The following ERO1B variants were observed in gnomAD, a reference collection of about 807,000 sequenced individuals.
The protein encoded by ERO1B is endoplasmic reticulum oxidoreductase 1 beta, also known as ERO1-like protein beta.
A neutral mutation model predicts 75.3 loss-of-function variants in ERO1B; 49 were observed. The ratio of observed to expected loss-of-function variants is 0.65; its 90% confidence interval spans 0.52 to 0.83. ERO1B has a LOEUF of 0.83. Ranked by LOEUF, ERO1B falls within the 40% of genes least tolerant of loss-of-function variation. ERO1B has a pLI of 0.00. For missense variants in ERO1B, 512 were observed against 560.1 expected (o/e 0.91, Z 0.87); for synonymous variants, 191 against 192.9 (o/e 0.99, Z 0.08).
At chr1:236,260,519 G>T (rs1336534382) in intron 2 of ERO1B, among the ~76,000 whole-genome samples, 1 of 152,062 alleles carries the variant, frequency 6.6e-6, no homozygotes, top group Non-Finnish European at 1.5e-5. Flanking sequence ...ACAAAAATTA[G>T]CTGGGTGTGG....
intron 6 of ERO1B, among the ~76,000 whole-genome samples, chr1:236,239,825 G>GTATA (rs1344485863): frequency 1.2e-4 from 6 of 50,862 alleles, no homozygotes; most frequent in African/African-American, 2.5e-4. Context: ...ATATATATGT[G>GTATA]TATATATATG....
chr1:236,233,022 C>T (rs911239189), intron 8 of ERO1B, among the ~76,000 whole-genome samples, 183 bp from the exon 9 acceptor site: 3 of 152,164 alleles, frequency 2.0e-5, no homozygotes, highest in South Asian at 2.1e-4. Flanking sequence ...AAGATTTGCA[C>T]ATTTTGGCCA....
intron 6 of ERO1B, among the ~76,000 whole-genome samples, chr1:236,240,140 G>C (rs1664663327): frequency 6.6e-6 from 1 of 151,646 alleles, no homozygotes; most frequent in Non-Finnish European, 1.5e-5. Flanking sequence ...CCTAACTTCA[G>C]GTGATTCACC....
At chr1:236,251,058 A>G (rs923254837) in intron 4 of ERO1B, among the ~76,000 whole-genome samples, 4 of 152,200 alleles carry the variant, frequency 2.6e-5, no homozygotes, top group African/African-American at 9.6e-5. Flanking sequence ...TATGTGTTAT[A>G]GTCATACAAC....
At position 236,222,678 on chromosome 1, in the gene ERO1B, A is replaced by G. The variant is rs553324723; in HGVS notation, c.1123-668T>C. 5.9e-5 allele frequency among the ~76,000 whole-genome samples: 9 copies of G among 152,324 alleles called. No homozygotes were observed. In the South Asian group the frequency reaches 1.9e-3, roughly 32 times the overall value. On this transcript the variant is annotated intron_variant, in intron 13 of 15. Transcript: ENST00000354619. ...AACCAACAATAAATATGTCTAGTTT[A>G]TGTTTCACTTATTTTTGATCCTTTG...
chr1:236,281,811 C>T lies in ERO1B; in HGVS notation c.-28G>A, dbSNP rs540701347. The T allele has an allele frequency of 6.5e-6, 9 of 1,393,372 alleles. No individual in the cohort carries two copies. The Admixed American group carries it at 1.9e-4, about 29-fold the overall frequency. The allele number at this position is 1,393,372 out of a possible 1,614,324, so 86.3% of individuals were successfully genotyped here. A position where few individuals can be genotyped will look rare whatever the true frequency, so the allele number is the denominator to read the frequency against. ...TGACCTCTACCCACACCGCGGCCAG[C>T]CGGACCCCTCGGGGCCGGGGAACGA... is the stretch of plus-strand genomic sequence containing the variant. On this transcript the variant is annotated 5_prime_UTR_variant, in exon 1 of 16. Coordinates refer to ENST00000354619, the MANE Select transcript of ERO1B (RefSeq NM_019891.4).
chr1:236,229,213 G>A (rs1047843836), intron 10 of ERO1B, among the ~76,000 whole-genome samples: 5 of 152,040 alleles, frequency 3.3e-5, no homozygotes, highest in Non-Finnish European at 5.9e-5. Flanking sequence ...ATCACTTGAG[G>A]CCTGGAGTTC....
intron 1 of ERO1B, among the ~76,000 whole-genome samples, chr1:236,276,222 C>T (rs1436132668): frequency 6.6e-6 from 1 of 152,180 alleles, no homozygotes; most frequent in African/African-American, 2.4e-5. Context: ...TCTATTAATC[C>T]TCCAAGTGGA....
In ERO1B at chr1:236,226,691, T is replaced by C; in HGVS notation, c.761A>G (p.His254Arg). 1 of 1,613,012 alleles carries C rather than the reference T, an allele frequency of 6.2e-7. No homozygotes were observed. The highest frequency in any genetic ancestry group is 1.1e-5 in the South Asian group (1 of 90,606). The change falls in exon 11 of 16, where the codon CAT becomes CGT. Residue 254 changes from histidine (H) to arginine (R), a missense_variant. Coordinates refer to ENST00000354619, the MANE Select transcript of ERO1B (RefSeq NM_019891.4). ...GCATAGATGTAAATTGATGCTAGCATGAAGTCCCGATATAAGCTTATAGAA... is the reference window on the plus strand; with the variant it reads ...GCATAGATGTAAATTGATGCTAGCACGAAGTCCCGATATAAGCTTATAGAA... ...RVFYKLISGLHASINLHLCAN... is the reference protein window; with the variant it reads ...RVFYKLISGLRASINLHLCAN...
chr1:236,239,270 G>A (rs1664622702), intron 6 of ERO1B, among the ~76,000 whole-genome samples: 1 of 152,038 alleles, frequency 6.6e-6, no homozygotes, highest in Non-Finnish European at 1.5e-5. Flanking sequence ...TGCCAAATCT[G>A]GCCTGCTGCT....
intron 6 of ERO1B, among the ~76,000 whole-genome samples, chr1:236,242,802 T>C (rs1265935320): frequency 1.3e-5 from 2 of 152,176 alleles, no homozygotes; most frequent in African/African-American, 2.4e-5. Context: ...ATCCCACAGA[T>C]AAAAAATTTT....
In ERO1B at chr1:236,281,908, C is replaced by G; in HGVS notation, c.-125G>C. On this transcript the variant is annotated 5_prime_UTR_variant, in exon 1 of 16. Transcript: ENST00000354619. ...GCGACTCCAGGGTCAGAGGTCTGCA[C>G]TCCAGTCCGGAGGCAGGCGACTCTT... 1 of 585,072 alleles carries G rather than the reference C, an allele frequency of 1.7e-6. No homozygotes were observed. Among genetic ancestry groups the G allele is most frequent in the Non-Finnish European group, 2.6e-6 (1 of 391,996 alleles). The allele number at this position is 585,072 out of a possible 1,614,324, so 36.2% of individuals were successfully genotyped here. A position where few individuals can be genotyped will look rare whatever the true frequency, so the allele number is the denominator to read the frequency against.
At chr1:236,281,105 A>C (rs1665819259) in intron 1 of ERO1B, among the ~76,000 whole-genome samples, 1 of 152,222 alleles carries the variant, frequency 6.6e-6, no homozygotes, top group South Asian at 2.1e-4. Flanking sequence ...TGGCAGACAC[A>C]GCTCAGCTGG....
intron 10 of ERO1B, among the ~76,000 whole-genome samples, chr1:236,230,018 T>C (rs1203969010): frequency 2.0e-5 from 3 of 152,102 alleles, no homozygotes; most frequent in African/African-American, 4.8e-5. Context: ...GGCCTGTGTA[T>C]TTATATAAAC....
rs530525803 is a variant in ERO1B at position 236,250,089 on chromosome 1, A to C, written c.349-122T>G. ...CTAAATATACATACATTCCATTATA[A>C]AAATCCCTATCATATGTAAGAAATA... On this transcript the variant is annotated intron_variant, in intron 4 of 15. Coordinates refer to ENST00000354619, the MANE Select transcript of ERO1B (RefSeq NM_019891.4). The C allele has an allele frequency of 5.7e-4, 289 of 506,824 alleles. 1 individual carries two copies. Among genetic ancestry groups the C allele is most frequent in the African/African-American group, 4.1e-3 (206 of 50,346 alleles). 31.4% of individuals were successfully genotyped at this position (506,824 alleles called of 1,614,324 possible). A position where few individuals can be genotyped will look rare whatever the true frequency, so the allele number is the denominator to read the frequency against.
At chr1:236,255,098 CTTTCTT>C in intron 2 of ERO1B, among the ~76,000 whole-genome samples, 1 of 133,430 alleles carries the variant, frequency 7.5e-6, no homozygotes, top group African/African-American at 2.7e-5. Flanking sequence ...TTTTTTTTTT[CTTTCTT>C]TTTTTTTTTT....
chr1:236,239,889 GTGTA>G (rs1423865723), intron 6 of ERO1B, among the ~76,000 whole-genome samples: 2 of 56,844 alleles, frequency 3.5e-5, no homozygotes, highest in African/African-American at 9.1e-5. Flanking sequence ...GTGTGTGTGT[GTGTA>G]TATATATATA....
intron 5 of ERO1B, among the ~76,000 whole-genome samples, chr1:236,245,721 G>T (rs1664868359): frequency 6.8e-6 from 1 of 147,708 alleles, no homozygotes; most frequent in Non-Finnish European, 1.5e-5. Flanking sequence ...GAGTAGCTGG[G>T]ATTACAGGCG....
At position 236,216,768 on chromosome 1, in the gene ERO1B, A is replaced by G. The variant is rs1663990913; in HGVS notation, c.*1748T>C. On this transcript the variant is annotated 3_prime_UTR_variant, in exon 16 of 16. Coordinates refer to ENST00000354619, the MANE Select transcript of ERO1B (RefSeq NM_019891.4). Reference sequence around the variant, plus strand: ...ACAAAGTGCAGATTTTTCACATCTTAAACTCTGAGTGAATACTAAGAATAA... The same window carrying G: ...ACAAAGTGCAGATTTTTCACATCTTGAACTCTGAGTGAATACTAAGAATAA... The G allele has an allele frequency of 6.6e-6, 1 of 152,078 alleles. No individual in the cohort carries two copies. The highest frequency in any genetic ancestry group is 1.5e-5 in the Non-Finnish European group (1 of 67,960). The allele number at this position is 152,078 out of a possible 1,614,324, so 9.4% of individuals were successfully genotyped here. A position where few individuals can be genotyped will look rare whatever the true frequency, so the allele number is the denominator to read the frequency against.
Sources: gnomAD v4.1 joint callset for allele counts (sites outside exome capture counted in the v4.1 genomes callset) on GRCh38, gnomAD v4.1.1 for gene constraint, MANE v1.5 for transcripts, NCBI Gene and HGNC (gene_info 2026-07-23, HGNC 2026-07-21) for gene names.